Variants in CRPPA observed in about 807,000 individuals in gnomAD.
The protein encoded by CRPPA is CDP-L-ribitol pyrophosphorylase A, also known as D-ribitol-5-phosphate cytidylyltransferase.
A neutral mutation model predicts 52.0 loss-of-function variants in CRPPA; 43 were observed. The ratio of observed to expected loss-of-function variants is 0.83; its 90% CI spans 0.65 to 1.07. The LOEUF is 1.07. CRPPA is among the 50% of genes least tolerant of loss of function. The pLI, the probability that CRPPA is intolerant of heterozygous loss-of-function variation, is 0.00. For missense variants in CRPPA, 629 were observed against 551.7 expected (o/e 1.14, Z -1.40); for synonymous variants, 250 against 203.5 (o/e 1.23, Z -1.94).
At chr7:16,185,043 A>C (rs1781479446) in intron 9 of CRPPA, among the ~76,000 whole-genome samples, 1 of 152,198 alleles carries the variant, frequency 6.6e-6, no homozygotes, top group Non-Finnish European at 1.5e-5. Context: ...AGACTATTTT[A>C]AGACAGACAT....
intron 9 of CRPPA, among the ~76,000 whole-genome samples, chr7:16,143,984 AG>A (rs1782923464): frequency 6.6e-6 from 1 of 152,338 alleles, no homozygotes; most frequent in East Asian, 1.9e-4. Context: ...ATTCGTCTAC[AG>A]AAACAAATAT....
chr7:16,402,556 A>T (rs1787845678), intron 2 of CRPPA, among the ~76,000 whole-genome samples: 1 of 152,212 alleles, frequency 6.6e-6, no homozygotes, highest in South Asian at 2.1e-4. Context: ...TAGTGTATAA[A>T]GTATTATGTT....
intron 3 of CRPPA, among the ~76,000 whole-genome samples, chr7:16,360,448 C>T (rs1322743150): frequency 2.0e-5 from 3 of 152,138 alleles, no homozygotes; most frequent in Admixed American, 6.5e-5. Flanking sequence ...AGGTCTTATA[C>T]TTCCTCATTT....
chr7:16,281,266 C>A (rs1013629845), intron 5 of CRPPA, among the ~76,000 whole-genome samples: 1 of 151,852 alleles, frequency 6.6e-6, no homozygotes, highest in African/African-American at 2.4e-5. Context: ...CCAGTGCAGA[C>A]CCCTTTCATC....
intron 5 of CRPPA, among the ~76,000 whole-genome samples, chr7:16,279,371 T>C (rs1309868235): frequency 2.0e-5 from 3 of 152,196 alleles, no homozygotes; most frequent in Non-Finnish European, 1.5e-5. Context: ...ATGGTATATA[T>C]GAATACTAAT....
At chr7:16,346,677 T>C (rs1252757471) in intron 3 of CRPPA, among the ~76,000 whole-genome samples, 2 of 152,158 alleles carry the variant, frequency 1.3e-5, no homozygotes, top group East Asian at 3.9e-4. Context: ...AGATGTGAAG[T>C]ATACCAGCTT....
At chr7:16,266,655 T>G (rs374317266) in intron 6 of CRPPA, among the ~76,000 whole-genome samples, 2 of 152,056 alleles carry the variant, frequency 1.3e-5, no homozygotes, top group African/African-American at 4.8e-5. Flanking sequence ...ATTTTTGTAT[T>G]TTTAGTAGAA....
chr7:16,154,640 G>C (rs1041051433), intron 9 of CRPPA, among the ~76,000 whole-genome samples: 1 of 152,078 alleles, frequency 6.6e-6, no homozygotes, highest in African/African-American at 2.4e-5. Context: ...TTATTTCCCA[G>C]ATTAGAAATG....
intron 3 of CRPPA, among the ~76,000 whole-genome samples, chr7:16,356,675 T>A (rs1369281807): frequency 6.6e-6 from 1 of 152,240 alleles, no homozygotes; most frequent in Non-Finnish European, 1.5e-5. Context: ...TGCCATTTTT[T>A]ACCCTTTCCA....
At chr7:16,327,111 G>A (rs1313520178) in intron 3 of CRPPA, among the ~76,000 whole-genome samples, 1 of 152,080 alleles carries the variant, frequency 6.6e-6, no homozygotes, top group Admixed American at 6.6e-5. Context: ...ATATTTCATA[G>A]GATCTTTACC....
chr7:16,378,347 G>A (rs1006214929), intron 2 of CRPPA, among the ~76,000 whole-genome samples: 1 of 143,708 alleles, frequency 7.0e-6, no homozygotes, highest in African/African-American at 2.6e-5. Context: ...ACCTATGAGT[G>A]AGAACATGCG....
At chr7:16,155,365 G>T (rs750653552) in intron 9 of CRPPA, among the ~76,000 whole-genome samples, 1 of 152,086 alleles carries the variant, frequency 6.6e-6, no homozygotes, top group African/African-American at 2.4e-5. Context: ...AACTCTGGTG[G>T]GTCTTATTTG....
intron 3 of CRPPA, among the ~76,000 whole-genome samples, chr7:16,316,844 G>C (rs909548452): frequency 2.0e-5 from 3 of 152,082 alleles, no homozygotes; most frequent in African/African-American, 2.4e-5. Flanking sequence ...GCAATGCAGA[G>C]TGAGACACCA....
chr7:16,178,058 A>T (rs1781339168), intron 9 of CRPPA, among the ~76,000 whole-genome samples: 1 of 111,902 alleles, frequency 8.9e-6, no homozygotes, highest in Non-Finnish European at 1.9e-5. Flanking sequence ...GTCTAAAAGA[A>T]GGCAAAAAAA....
intron 8 of CRPPA, among the ~76,000 whole-genome samples, chr7:16,245,607 T>A (rs1316283704): frequency 6.6e-6 from 1 of 152,146 alleles, no homozygotes; most frequent in Non-Finnish European, 1.5e-5. Flanking sequence ...AGTGACACAT[T>A]TTTCTATTAA....
At chr7:16,393,046 T>G (rs1158640289) in intron 2 of CRPPA, among the ~76,000 whole-genome samples, 4 of 152,152 alleles carry the variant, frequency 2.6e-5, no homozygotes, top group African/African-American at 9.7e-5. Context: ...TAAAGTCTCA[T>G]GAACATGACA....
intron 3 of CRPPA, among the ~76,000 whole-genome samples, chr7:16,318,678 T>G (rs1785197172): frequency 6.6e-6 from 1 of 152,114 alleles, no homozygotes; most frequent in Non-Finnish European, 1.5e-5. Flanking sequence ...AACCAGACCA[T>G]GCCTTCCTTA....
chr7:16,281,084 C>T (rs1479535861), intron 5 of CRPPA, among the ~76,000 whole-genome samples: 4 of 152,178 alleles, frequency 2.6e-5, no homozygotes, highest in Non-Finnish European at 1.5e-5. Flanking sequence ...AAATAGAACA[C>T]ATTTGTTGTT....
chr7:16,148,410 T>TA (rs1291165465), intron 9 of CRPPA, among the ~76,000 whole-genome samples: 2 of 152,070 alleles, frequency 1.3e-5, no homozygotes, highest in Admixed American at 1.3e-4. Context: ...GACGAATGGA[T>TA]AAAAAAATGT....
Sources: allele counts gnomAD v4.1 joint callset (sites outside exome capture counted in the v4.1 genomes callset), GRCh38; gene constraint gnomAD v4.1.1; transcripts MANE v1.5; gene names NCBI Gene and HGNC (gene_info 2026-07-23, HGNC 2026-07-21).